Variants in ADK observed in about 807,000 individuals in gnomAD.
ADK encodes N6,N6-dimethyladenosine kinase.
ADK carries 24 observed loss-of-function variants against 44.7 expected under a neutral mutation model. The ratio of observed to expected loss-of-function variants is 0.54; its 90% CI spans 0.39 to 0.76. The LOEUF (loss-of-function observed/expected upper bound fraction) is 0.76. Ranked by LOEUF, ADK falls within the 30% of genes least tolerant of loss-of-function variation. The pLI, the probability that ADK is intolerant of heterozygous loss-of-function variation, is 0.00. For synonymous variants in ADK, 128 were observed against 142.6 expected, an observed-to-expected ratio of 0.90 and a Z score of 0.73; for missense variants, 321 against 425.1, an observed-to-expected ratio of 0.76 and a Z score of 2.15.
intron 3 of ADK, among the ~76,000 whole-genome samples, chr10:74,284,185 C>A (rs1182927067): frequency 6.6e-6 from 1 of 151,112 alleles, no homozygotes; most frequent in African/African-American, 2.4e-5. Context: ...GTCTCGAACT[C>A]CCGAACTCAG....
intron 6 of ADK, among the ~76,000 whole-genome samples, chr10:74,490,491 T>C (rs1847436150): frequency 6.6e-6 from 1 of 152,170 alleles, no homozygotes; most frequent in Admixed American, 6.6e-5. Context: ...ACAGAAATAC[T>C]GTATCACTTT....
intron 6 of ADK, among the ~76,000 whole-genome samples, chr10:74,455,009 G>C (rs2133205589): frequency 6.6e-6 from 1 of 152,184 alleles, no homozygotes; most frequent in South Asian, 2.1e-4. Context: ...AGACCTTCCT[G>C]CTTCTGCCAT....
At chr10:74,579,496 A>G (rs1725612354) in intron 7 of ADK, among the ~76,000 whole-genome samples, 1 of 152,218 alleles carries the variant, frequency 6.6e-6, no homozygotes, top group Non-Finnish European at 1.5e-5. Context: ...ATATAACATA[A>G]GAGTTTTTAG....
chr10:74,363,947 T>C (rs1842421232), intron 4 of ADK, among the ~76,000 whole-genome samples: 1 of 152,180 alleles, frequency 6.6e-6, no homozygotes, highest in Non-Finnish European at 1.5e-5. Flanking sequence ...GAGCTGAGGC[T>C]GAGTCTGGGG....
intron 9 of ADK, among the ~76,000 whole-genome samples, chr10:74,615,089 A>C (rs1302215185): frequency 6.6e-6 from 1 of 152,142 alleles, no homozygotes; most frequent in African/African-American, 2.4e-5. Context: ...ATTATCTAAA[A>C]TGTATTTACT....
chr10:74,634,918 C>T (rs953478417), intron 9 of ADK, among the ~76,000 whole-genome samples: 1 of 151,996 alleles, frequency 6.6e-6, no homozygotes, highest in Non-Finnish European at 1.5e-5. Flanking sequence ...GCACTCCAGC[C>T]CAAGTGGACA....
intron 6 of ADK, among the ~76,000 whole-genome samples, chr10:74,523,528 C>T (rs769547818): frequency 3.9e-5 from 6 of 151,936 alleles, no homozygotes; most frequent in South Asian, 2.1e-4. Flanking sequence ...TTTCCTTCGT[C>T]GTCTTTTGTT....
At chr10:74,488,922 G>A (rs1847371060) in intron 6 of ADK, among the ~76,000 whole-genome samples, 1 of 151,754 alleles carries the variant, frequency 6.6e-6, no homozygotes, top group African/African-American at 2.4e-5. Context: ...AGATATCTGT[G>A]CCTCATTCTC....
At chr10:74,167,051 A>G (rs1842054188) in intron 1 of ADK, among the ~76,000 whole-genome samples, 1 of 152,226 alleles carries the variant, frequency 6.6e-6, no homozygotes, top group Non-Finnish European at 1.5e-5. Flanking sequence ...GAAATAGAAT[A>G]AAAAATATTG....
intron 2 of ADK, among the ~76,000 whole-genome samples, chr10:74,208,681 A>C (rs906607704): frequency 6.6e-6 from 1 of 151,890 alleles, no homozygotes; most frequent in Non-Finnish European, 1.5e-5. Context: ...TTGAGCCACC[A>C]TTAGATAAGT....
chr10:74,558,784 CT>C (rs1850355735), intron 7 of ADK, among the ~76,000 whole-genome samples: 1 of 152,138 alleles, frequency 6.6e-6, no homozygotes, highest in African/African-American at 2.4e-5. Context: ...CTTCTGGAAG[CT>C]AGAAAGGCAA....
intron 7 of ADK, among the ~76,000 whole-genome samples, chr10:74,559,499 T>C (rs1407932309): frequency 6.6e-6 from 1 of 152,244 alleles, no homozygotes; most frequent in Non-Finnish European, 1.5e-5. Context: ...ATTATAGTTC[T>C]GTAGTAATAT....
chr10:74,682,103 T>A (rs1026059098), intron 10 of ADK, among the ~76,000 whole-genome samples: 1 of 152,160 alleles, frequency 6.6e-6, no homozygotes. Context: ...CTATGCTCCA[T>A]GAAGAAGAAT....
intron 4 of ADK, among the ~76,000 whole-genome samples, chr10:74,356,002 A>ATATTGGTTT (rs57958159): frequency 0.058 from 4,804 of 83,500 alleles, 979 homozygotes; most frequent in Middle Eastern, 0.075. Flanking sequence ...TAAATAATTC[A>ATATTGGTTT]TTTTTTTTTT....
At chr10:74,302,330 T>C (rs1267196310) in intron 3 of ADK, among the ~76,000 whole-genome samples, 1 of 151,278 alleles carries the variant, frequency 6.6e-6, no homozygotes, top group Non-Finnish European at 1.5e-5. Context: ...CCATGTTCCC[T>C]GGGCTAGTTT....
intron 4 of ADK, among the ~76,000 whole-genome samples, chr10:74,318,616 A>G (rs1592039852): frequency 1.3e-5 from 2 of 152,346 alleles, no homozygotes; most frequent in South Asian, 2.1e-4. Flanking sequence ...ATTCAAATTC[A>G]GGTGTTTTAA....
At chr10:74,206,403 C>G (rs1428941051) in intron 2 of ADK, among the ~76,000 whole-genome samples, 1 of 152,190 alleles carries the variant, frequency 6.6e-6, no homozygotes, top group Non-Finnish European at 1.5e-5. Flanking sequence ...TGGTGAGTGA[C>G]TGCAGTGAGT....
chr10:74,225,499 T>C (rs1438075247), intron 3 of ADK, among the ~76,000 whole-genome samples: 2 of 152,222 alleles, frequency 1.3e-5, no homozygotes, highest in African/African-American at 4.8e-5. Context: ...GACTATTATT[T>C]TCTTCTTGAG....
At chr10:74,255,101 G>T (rs1413231370) in intron 3 of ADK, among the ~76,000 whole-genome samples, 1 of 152,116 alleles carries the variant, frequency 6.6e-6, no homozygotes, top group Non-Finnish European at 1.5e-5. Context: ...TTTTTCTATA[G>T]AAAACAATAG....
Sources: gnomAD v4.1 joint callset for allele counts (sites outside exome capture counted in the v4.1 genomes callset) on GRCh38, gnomAD v4.1.1 for gene constraint, MANE v1.5 for transcripts, NCBI Gene and HGNC (gene_info 2026-07-23, HGNC 2026-07-21) for gene names.